Variants in CLSTN2 observed in about 807,000 individuals in gnomAD.
The protein encoded by CLSTN2 is calsyntenin 2.
CLSTN2 carries 48 observed loss-of-function variants against 101.2 expected under a neutral mutation model. The observed-to-expected ratio is 0.47, with a 90% confidence interval of 0.38 to 0.60. The LOEUF (loss-of-function observed/expected upper bound fraction) is 0.60, where lower values mean the gene tolerates loss of function less well. Among genes scored for constraint, CLSTN2 ranks in the 20% least tolerant of loss-of-function variants. The pLI is 0.00. For synonymous variants in CLSTN2, 481 were observed against 463.6 expected, an observed-to-expected ratio of 1.04 and a Z score of -0.48; for missense variants, 1,160 against 1,238.2, an observed-to-expected ratio of 0.94 and a Z score of 0.95.
chr3:140,350,349 G>A lies in CLSTN2; in HGVS notation c.233-53280G>A, dbSNP rs565735155. Among the ~76,000 whole-genome samples the A allele has an allele frequency of 4.6e-5, 7 of 152,312 alleles. No homozygotes were observed. In the South Asian group the frequency reaches 1.0e-3, roughly 23 times the overall value. ...GCAGATATTATGTGGAAACTAAAAA[G>A]CGAGCTACAGAATTCTGCCTCCAAC... is the stretch of plus-strand genomic sequence containing the variant. On this transcript the variant is annotated intron_variant, in intron 2 of 16. Transcript: ENST00000458420.
At chr3:140,167,876 T>C (rs1468953211) in intron 1 of CLSTN2, among the ~76,000 whole-genome samples, 1 of 152,350 alleles carries the variant, frequency 6.6e-6, no homozygotes, top group African/African-American at 2.4e-5. Context: ...TGTTTTGTTA[T>C]ATGGATCAGT....
intron 7 of CLSTN2, among the ~76,000 whole-genome samples, chr3:140,460,808 C>T (rs1933545285): frequency 6.6e-6 from 1 of 152,144 alleles, no homozygotes; most frequent in African/African-American, 2.4e-5. Flanking sequence ...TTTGCTAAAA[C>T]ACCCCAAATA....
At chr3:140,310,012 A>G (rs1576509609) in intron 2 of CLSTN2, among the ~76,000 whole-genome samples, 1 of 151,742 alleles carries the variant, frequency 6.6e-6, no homozygotes, top group African/African-American at 2.4e-5. Context: ...CCTTATATCA[A>G]CCCAAGGGAG....
chr3:140,315,554 T>C (rs1468848587), intron 2 of CLSTN2, among the ~76,000 whole-genome samples: 1 of 152,254 alleles, frequency 6.6e-6, no homozygotes, highest in South Asian at 2.1e-4. Flanking sequence ...GTGGCTTTTC[T>C]GCCTTCCACG....
At chr3:140,476,221 T>C (rs1284441013) in intron 8 of CLSTN2, among the ~76,000 whole-genome samples, 1 of 152,220 alleles carries the variant, frequency 6.6e-6, no homozygotes, top group Non-Finnish European at 1.5e-5. Flanking sequence ...AATGGCCAAT[T>C]CGTTGCTAAT....
intron 2 of CLSTN2, among the ~76,000 whole-genome samples, chr3:140,394,541 G>A (rs1486800882): frequency 6.6e-6 from 1 of 152,210 alleles, no homozygotes; most frequent in Non-Finnish European, 1.5e-5. Context: ...GAAGTATTTA[G>A]GAGGCAAGAT....
chr3:140,186,646 C>T (rs959863270), intron 2 of CLSTN2, among the ~76,000 whole-genome samples: 9 of 152,158 alleles, frequency 5.9e-5, no homozygotes, highest in African/African-American at 1.4e-4. Context: ...AAACTAATTA[C>T]TTCTTTATGA....
At chr3:140,335,831 C>G (rs2087434355) in intron 2 of CLSTN2, among the ~76,000 whole-genome samples, 1 of 152,180 alleles carries the variant, frequency 6.6e-6, no homozygotes, top group Non-Finnish European at 1.5e-5. Context: ...AAGAAATGAA[C>G]TAACAAAAGC....
At position 140,569,096 on chromosome 3, in the gene CLSTN2, A is replaced by G. The variant is rs988747868; in HGVS notation, c.*2843A>G. 3 of 152,228 alleles carry G rather than the reference A, an allele frequency of 2.0e-5. No homozygotes were observed. The highest frequency in any genetic ancestry group is 4.4e-5 in the Non-Finnish European group (3 of 68,082). The allele number at this position is 152,228 out of a possible 1,614,324, so 9.4% of individuals were successfully genotyped here. A position where few individuals can be genotyped will look rare whatever the true frequency, so the allele number is the denominator to read the frequency against. ...CTTCCTCACCATGGATGAGAACAAG[A>G]CGGGAGTGGTTATATCCCAGTAACA... On this transcript the variant is annotated 3_prime_UTR_variant, in exon 17 of 17. Coordinates refer to ENST00000458420, the MANE Select transcript of CLSTN2 (RefSeq NM_022131.3).
At chr3:140,245,171 C>T (rs573740233) in intron 2 of CLSTN2, among the ~76,000 whole-genome samples, 5 of 152,230 alleles carry the variant, frequency 3.3e-5, no homozygotes, top group South Asian at 2.1e-4. Flanking sequence ...GTTTTACACT[C>T]GGCTGTTATT....
Position 140,281,763 on chromosome 3 carries a change from C to CGA in CLSTN2, c.232+105706_232+105707dup, listed in dbSNP as rs10548653. On this transcript the variant is annotated intron_variant, in intron 2 of 16. Coordinates refer to ENST00000458420, the MANE Select transcript of CLSTN2 (RefSeq NM_022131.3). ...AATAATAAAACTGTCAGAGAGAGAG[C>CGA]GAGAGAGAGAGAGAGAGGAGCCTGA... is the stretch of plus-strand genomic sequence containing the variant. Among the ~76,000 whole-genome samples the CGA allele has an allele frequency of 3.4e-3, 515 of 150,994 alleles. 1 individual carries two copies. The highest frequency in any genetic ancestry group is 0.011 in the African/African-American group (454 of 41,024).
chr3:140,360,564 A>G (rs2087719810), intron 2 of CLSTN2, among the ~76,000 whole-genome samples: 1 of 152,134 alleles, frequency 6.6e-6, no homozygotes, highest in Non-Finnish European at 1.5e-5. Context: ...GTGCTGTGCA[A>G]CCAGAAGATG....
chr3:140,022,677 G>A (rs114672655), intron 1 of CLSTN2, among the ~76,000 whole-genome samples: 239 of 152,300 alleles, frequency 1.6e-3, no homozygotes, highest in African/African-American at 5.5e-3. Flanking sequence ...GCTGCTGTGT[G>A]GAGAATGGGA....
intron 8 of CLSTN2, among the ~76,000 whole-genome samples, chr3:140,483,660 G>C (rs1934176295): frequency 6.6e-6 from 1 of 152,064 alleles, no homozygotes; most frequent in Admixed American, 6.5e-5. Flanking sequence ...AGGATAGTTA[G>C]CTCTTCTTGT....
At chr3:140,415,345 A>G (rs1240548939) in intron 4 of CLSTN2, among the ~76,000 whole-genome samples, 2 of 152,086 alleles carry the variant, frequency 1.3e-5, no homozygotes, top group African/African-American at 2.4e-5. Context: ...GTGGCACAAT[A>G]TCAAACTAAA....
At chr3:140,463,815 A>T (rs1037400874) in intron 7 of CLSTN2, among the ~76,000 whole-genome samples, 2 of 152,198 alleles carry the variant, frequency 1.3e-5, no homozygotes, top group Non-Finnish European at 2.9e-5. Flanking sequence ...GAAATGTGCA[A>T]GGCTAGCAAC....
chr3:140,186,658 C>T (rs751362613), intron 2 of CLSTN2, among the ~76,000 whole-genome samples: 4 of 152,130 alleles, frequency 2.6e-5, no homozygotes, highest in Admixed American at 6.5e-5. Flanking sequence ...TCTTTATGAG[C>T]TATCCTTTCA....
chr3:140,363,761 G>T (rs899596009), intron 2 of CLSTN2, among the ~76,000 whole-genome samples: 9 of 152,178 alleles, frequency 5.9e-5, no homozygotes, highest in Middle Eastern at 3.2e-3. Flanking sequence ...AAGCTTGAGG[G>T]TAACAAGATC....
intron 1 of CLSTN2, among the ~76,000 whole-genome samples, chr3:140,100,431 A>G (rs1394935391): frequency 6.6e-6 from 1 of 152,188 alleles, no homozygotes; most frequent in Non-Finnish European, 1.5e-5. Flanking sequence ...ACTTATTAAC[A>G]TAAGGCAGTG....
Sources: allele counts gnomAD v4.1 joint callset (sites outside exome capture counted in the v4.1 genomes callset), GRCh38; gene constraint gnomAD v4.1.1; transcripts MANE v1.5; gene names NCBI Gene and HGNC (gene_info 2026-07-23, HGNC 2026-07-21).